MYH10: variants seen among roughly 807,000 people sequenced by gnomAD.
The protein encoded by MYH10 is myosin-10.
In MYH10, 55 loss-of-function variants were observed where a neutral mutation model predicts 257.8. That is an observed-to-expected ratio of 0.21 (90% CI 0.17 to 0.27). MYH10 has a LOEUF of 0.27. MYH10 is among the 10% of genes least tolerant of loss of function. MYH10 has a pLI of 1.00. For missense variants in MYH10, 1,631 were observed against 2,500.6 expected, an observed-to-expected ratio of 0.65 and a Z score of 7.42; for synonymous variants, 854 against 921.7, an observed-to-expected ratio of 0.93 and a Z score of 1.33.
In MYH10 at chr17:8,506,281, A is replaced by C. The variant is rs776715217; in HGVS notation, c.3386+37T>G. 15 of 1,535,216 alleles carry C rather than the reference A, an allele frequency of 9.8e-6. No individual in the cohort carries two copies. The highest frequency in any genetic ancestry group is 9.6e-6 in the Non-Finnish European group (11 of 1,150,358). ...ACAAAGTCTGCTGAAACTCAGCCCC[A>C]TGGGCTCCCGTGCAGCGCAGCTGCT... On this transcript the variant is annotated intron_variant, in intron 27 of 42. Coordinates refer to ENST00000360416, the MANE Select transcript of MYH10 (RefSeq NM_001256012.3). The surrounding 1 kb of genome is among the most constrained non-coding windows in gnomAD (Gnocchi z 5.0).
chr17:8,483,938 C>T (rs144645219), intron 37 of MYH10, among the ~76,000 whole-genome samples, 200 bp downstream of exon 37: 123 of 152,200 alleles, frequency 8.1e-4, no homozygotes, highest in Middle Eastern at 3.4e-3. Context: ...TGAGCAGTGT[C>T]GAAGTGATAA....
chr17:8,476,767 G>A, intron 42 of MYH10, 109 bp downstream of exon 42: 1 of 1,174,496 alleles, frequency 8.5e-7, no homozygotes, highest in South Asian at 1.5e-5. Context: ...GAGAAAGAAT[G>A]GGTCACTGGG....
At position 8,548,754 on chromosome 17, in the gene MYH10, C is replaced by T. The variant is rs1193057450; in HGVS notation, c.953G>A (p.Arg318Lys). The change falls in exon 10 of 43, where the codon AGG becomes AAG. Residue 318 changes from arginine (R) to lysine (K), a missense_variant. By Grantham distance (26) the Arg-to-Lys change is conservative. Transcript: ENST00000360416. ...DLLLEGFNNY[R>K]FLSNGYIPIP... ...AGGAATATAGCCATTGGAGAGAAAC[C>T]TGTAGTTATTAAATCCTTCAAGAAG... 1.9e-6 allele frequency: 3 copies of T among 1,612,758 alleles called. No homozygotes were observed. Among genetic ancestry groups the T allele is most frequent in the Non-Finnish European group, 8.5e-7 (1 of 1,179,090 alleles).
chr17:8,607,795 C>T (rs1013352319), intron 2 of MYH10, among the ~76,000 whole-genome samples: 1 of 152,130 alleles, frequency 6.6e-6, no homozygotes, highest in Non-Finnish European at 1.5e-5. Context: ...GCACACTAAA[C>T]AAGCTACAAT....
intron 36 of MYH10, among the ~76,000 whole-genome samples, chr17:8,485,441 T>C (rs1238635434): frequency 1.4e-5 from 2 of 143,696 alleles, no homozygotes; most frequent in Non-Finnish European, 3.0e-5. Context: ...CAATAAACTA[T>C]CAAAACCCAA....
rs559109328 is a variant in MYH10, at chr17:8,526,447, T to C, written c.1957+4176A>G. ...TTTATTCTTGCACTGTAAATTCTTC[T>C]ATCTGAGATGTCAGGAGACCCTGGT... On this transcript the variant is annotated intron_variant, in intron 17 of 42. Transcript: ENST00000360416. Among the ~76,000 whole-genome samples, 9 of 152,356 alleles carry C rather than the reference T, an allele frequency of 5.9e-5. No individual in the cohort carries two copies. In the South Asian group the frequency reaches 1.9e-3, roughly 32 times the overall value.
At chr17:8,486,431 T>G (rs542998235) in intron 36 of MYH10, among the ~76,000 whole-genome samples, 2 of 151,816 alleles carry the variant, frequency 1.3e-5, no homozygotes, top group South Asian at 4.2e-4. Context: ...ATAAAAATCT[T>G]GAGCCCAGGC....
intron 2 of MYH10, among the ~76,000 whole-genome samples, chr17:8,621,761 T>C (rs2085476413): frequency 1.3e-5 from 2 of 152,146 alleles, no homozygotes; most frequent in Admixed American, 1.3e-4. Context: ...GAATCATTCT[T>C]TTCTCAGCTT....
intron 30 of MYH10, among the ~76,000 whole-genome samples, chr17:8,496,985 G>A (rs1916737678): frequency 6.6e-6 from 1 of 152,178 alleles, no homozygotes; most frequent in South Asian, 2.1e-4. Flanking sequence ...TCTGTAATGG[G>A]CTTCTTGGAA....
intron 4 of MYH10, among the ~76,000 whole-genome samples, chr17:8,587,289 T>C (rs560287584): frequency 3.9e-5 from 6 of 152,312 alleles, no homozygotes; most frequent in African/African-American, 1.4e-4. Flanking sequence ...AGAACCGTGC[T>C]GATTTGAGCC....
At chr17:8,502,669 A>C (rs930588098) in intron 28 of MYH10, among the ~76,000 whole-genome samples, 39 of 152,186 alleles carry the variant, frequency 2.6e-4, no homozygotes, top group African/African-American at 9.4e-4. Flanking sequence ...AATCATGGGA[A>C]GAACCAGGGC....
intron 17 of MYH10, among the ~76,000 whole-genome samples, chr17:8,526,491 T>C (rs1449904458): frequency 6.6e-6 from 1 of 152,212 alleles, no homozygotes; most frequent in Non-Finnish European, 1.5e-5. Flanking sequence ...CTGGGGGGCA[T>C]TTAAATTCAT....
Position 8,583,551 on chromosome 17 carries a change from A to G in MYH10, c.530+5530T>C, listed in dbSNP as rs1427941405. Among the ~76,000 whole-genome samples, 2 of 152,220 alleles carry G rather than the reference A, an allele frequency of 1.3e-5. 1 individual carries two copies. Among genetic ancestry groups the G allele is most frequent in the Non-Finnish European group, 2.9e-5 (2 of 68,046 alleles). On this transcript the variant is annotated intron_variant, in intron 4 of 42. Coordinates refer to ENST00000360416, the MANE Select transcript of MYH10 (RefSeq NM_001256012.3). ...GGCTGACAATCTGATCCAGAATCAC[A>G]TAGTTCATGGCAGAGCTGGGAGAAG...
At chr17:8,611,563 T>C (rs1281676682) in intron 2 of MYH10, among the ~76,000 whole-genome samples, 4 of 151,438 alleles carry the variant, frequency 2.6e-5, no homozygotes, top group Admixed American at 6.6e-5. Flanking sequence ...ATTCTAAAAC[T>C]GAAAAACAAA....
In MYH10 at chr17:8,609,606, T is replaced by C. The variant is rs540534659; in HGVS notation, c.346-4624A>G. Among the ~76,000 whole-genome samples the C allele has an allele frequency of 2.8e-4, 42 of 151,644 alleles. No individual in the cohort carries two copies. In the South Asian group the frequency reaches 7.3e-3, roughly 26 times the overall value. Reference sequence around the variant, plus strand: ...GGACAGAAATGCATAAGAAAAAAAATAGGTGACCAGGGCCAGAAAAGACTG... The same window carrying C: ...GGACAGAAATGCATAAGAAAAAAAACAGGTGACCAGGGCCAGAAAAGACTG... On this transcript the variant is annotated intron_variant, in intron 2 of 42. Coordinates refer to ENST00000360416, the MANE Select transcript of MYH10 (RefSeq NM_001256012.3).
chr17:8,493,705 A>G (rs1916122496), intron 32 of MYH10, 28 bp downstream of exon 32: 1 of 1,595,474 alleles, frequency 6.3e-7, no homozygotes, highest in Admixed American at 1.8e-5. Context: ...CATCGAGGCC[A>G]CCGCGGCCTC....
intron 3 of MYH10, among the ~76,000 whole-genome samples, chr17:8,602,995 T>C (rs1037743863): frequency 3.9e-5 from 6 of 152,258 alleles, no homozygotes; most frequent in African/African-American, 1.4e-4. Context: ...TTCCTCATTC[T>C]GTTTACTAAA....
chr17:8,591,173 A>G (rs1436001851), intron 3 of MYH10, among the ~76,000 whole-genome samples: 1 of 152,078 alleles, frequency 6.6e-6, no homozygotes, highest in Admixed American at 6.6e-5. Context: ...TACCTGGCCA[A>G]TGTTGCCTTC....
chr17:8,524,803 T>C (rs2081787328), intron 17 of MYH10, among the ~76,000 whole-genome samples: 1 of 152,214 alleles, frequency 6.6e-6, no homozygotes, highest in Non-Finnish European at 1.5e-5. Flanking sequence ...TTAACATCCT[T>C]GAGTTTCTCC....
Sources: allele counts gnomAD v4.1 joint callset (sites outside exome capture counted in the v4.1 genomes callset), GRCh38; gene constraint gnomAD v4.1.1; non-coding constraint Gnocchi (gnomAD v3.1); transcripts MANE v1.5; gene names NCBI Gene and HGNC (gene_info 2026-07-23, HGNC 2026-07-21).